Variants in LMNTD1 observed in about 807,000 individuals in gnomAD.
LMNTD1 encodes lamin tail domain containing 1, also known as lamin tail domain-containing protein 1.
In LMNTD1, 35 loss-of-function variants were observed where a neutral mutation model predicts 50.9. That is an observed-to-expected ratio of 0.69 (90% CI 0.53 to 0.91). The LOEUF (loss-of-function observed/expected upper bound fraction) is 0.91, where lower values mean the gene tolerates loss of function less well. Ranked by LOEUF, LMNTD1 falls within the 40% of genes least tolerant of loss-of-function variation. The pLI, the probability that LMNTD1 is intolerant of heterozygous loss-of-function variation, is 0.00. For missense variants in LMNTD1, 470 were observed against 475.5 expected, an observed-to-expected ratio of 0.99 and a Z score of 0.11; for synonymous variants, 153 against 161.9, an observed-to-expected ratio of 0.94 and a Z score of 0.42.
intron 6 of LMNTD1, among the ~76,000 whole-genome samples, chr12:25,522,638 G>A (rs7312490): frequency 0.02 from 3,069 of 152,194 alleles, 79 homozygotes; most frequent in African/African-American, 0.058. Context: ...GCCCTTCAAT[G>A]AGTTCCTATT....
chr12:25,604,941 T>C (rs1946062077), intron 1 of LMNTD1, among the ~76,000 whole-genome samples: 2 of 152,220 alleles, frequency 1.3e-5, no homozygotes, highest in African/African-American at 4.8e-5. Flanking sequence ...CCACAATGGT[T>C]GAACTAGTTT....
chr12:25,486,537 C>G (rs888084484), intron 9 of LMNTD1, among the ~76,000 whole-genome samples: 2 of 138,404 alleles, frequency 1.4e-5, no homozygotes, highest in Non-Finnish European at 3.1e-5. Flanking sequence ...ACTTCCAATA[C>G]CATGTTGAAT....
chr12:25,502,219 T>A (rs11835743), intron 9 of LMNTD1, among the ~76,000 whole-genome samples: 28,011 of 151,974 alleles, frequency 0.18, 2,755 homozygotes, highest in Middle Eastern at 0.24. Context: ...AAGCAAAACA[T>A]AAAAAATTCC....
chr12:25,561,848 A>G (rs555605901), intron 1 of LMNTD1, among the ~76,000 whole-genome samples: 1 of 151,610 alleles, frequency 6.6e-6, no homozygotes, highest in South Asian at 2.1e-4. Context: ...ATATATATTT[A>G]GGTTAGCTCT....
chr12:25,610,778 A>G (rs1039747562), intron 1 of LMNTD1, among the ~76,000 whole-genome samples: 1 of 152,192 alleles, frequency 6.6e-6, no homozygotes, highest in Non-Finnish European at 1.5e-5. Context: ...CAAGGTTATT[A>G]GTTTGGACTG....
At chr12:25,600,441 G>A (rs1945940280) in intron 1 of LMNTD1, among the ~76,000 whole-genome samples, 1 of 151,802 alleles carries the variant, frequency 6.6e-6, no homozygotes, top group African/African-American at 2.4e-5. Flanking sequence ...AGCAGAAATG[G>A]ACAAAGAGGA....
At chr12:25,505,796 T>C (rs1350173400) in intron 8 of LMNTD1, among the ~76,000 whole-genome samples, 9 of 152,174 alleles carry the variant, frequency 5.9e-5, no homozygotes, top group African/African-American at 1.9e-4. Flanking sequence ...GTTTTTTTCA[T>C]TTAACATTTT....
chr12:25,512,240 A>C (rs1408269023), intron 8 of LMNTD1, among the ~76,000 whole-genome samples: 2 of 152,216 alleles, frequency 1.3e-5, no homozygotes, highest in East Asian at 3.8e-4. Context: ...TTGAGCTTCA[A>C]CAGTTGACAG....
intron 1 of LMNTD1, among the ~76,000 whole-genome samples, chr12:25,643,336 G>C (rs915451564): frequency 2.0e-5 from 3 of 152,122 alleles, no homozygotes; most frequent in African/African-American, 4.8e-5. Flanking sequence ...ATCCAGCAAG[G>C]CCAGAGACCC....
intron 1 of LMNTD1, among the ~76,000 whole-genome samples, chr12:25,632,891 A>G (rs1180486958): frequency 6.6e-6 from 1 of 152,174 alleles, no homozygotes; most frequent in African/African-American, 2.4e-5. Context: ...ATGGATAAGA[A>G]CTCACCAACC....
intron 1 of LMNTD1, among the ~76,000 whole-genome samples, chr12:25,626,341 T>TACAC (rs1555124910): frequency 1.7e-4 from 26 of 150,314 alleles, no homozygotes; most frequent in Admixed American, 1.1e-3. Context: ...TATATATATA[T>TACAC]ACACACACAC....
chr12:25,621,989 G>A (rs983845513), intron 1 of LMNTD1, among the ~76,000 whole-genome samples: 1 of 152,236 alleles, frequency 6.6e-6, no homozygotes, highest in African/African-American at 2.4e-5. Flanking sequence ...CCAGAGGCAA[G>A]TGGGTTGGAT....
intron 1 of LMNTD1, among the ~76,000 whole-genome samples, chr12:25,620,775 C>G (rs1490986762): frequency 6.6e-6 from 1 of 152,228 alleles, no homozygotes; most frequent in Non-Finnish European, 1.5e-5. Flanking sequence ...TCCGTAGCTA[C>G]TACTGTTTAG....
chr12:25,497,331 T>C (rs1425475874), intron 9 of LMNTD1, among the ~76,000 whole-genome samples: 1 of 152,094 alleles, frequency 6.6e-6, no homozygotes. Flanking sequence ...GGAAGCACTG[T>C]AGCAGGGGAC....
chr12:25,560,224 G>A (rs1056842784), intron 1 of LMNTD1, among the ~76,000 whole-genome samples: 7 of 152,190 alleles, frequency 4.6e-5, no homozygotes, highest in Non-Finnish European at 8.8e-5. Context: ...TTTGTATAAG[G>A]TGTAAGGAAG....
At chr12:25,524,697 T>C (rs1229866541) in intron 6 of LMNTD1, among the ~76,000 whole-genome samples, 1 of 152,172 alleles carries the variant, frequency 6.6e-6, no homozygotes, top group Non-Finnish European at 1.5e-5. Context: ...GCTAATGATT[T>C]CTTATGAGGC....
intron 1 of LMNTD1, among the ~76,000 whole-genome samples, chr12:25,573,162 CTGTT>C (rs755355938): frequency 9.9e-5 from 15 of 152,272 alleles, no homozygotes; most frequent in East Asian, 1.9e-4. Flanking sequence ...GGCCTTTTCT[CTGTT>C]TGTTTTCCTT....
At chr12:25,572,800 ATCCC>A (rs895492770) in intron 1 of LMNTD1, among the ~76,000 whole-genome samples, 6 of 149,992 alleles carry the variant, frequency 4.0e-5, no homozygotes, top group South Asian at 2.1e-4. Context: ...CCATCCCTCC[ATCCC>A]TCCCTCCCTC....
At chr12:25,634,951 A>T in intron 1 of LMNTD1, among the ~76,000 whole-genome samples, 1 of 152,290 alleles carries the variant, frequency 6.6e-6, no homozygotes, top group East Asian at 1.9e-4. Context: ...TATAAAAAAA[A>T]TTCAGCAGGC....
Sources: allele counts gnomAD v4.1 joint callset (sites outside exome capture counted in the v4.1 genomes callset), GRCh38; gene constraint gnomAD v4.1.1; transcripts MANE v1.5; gene names NCBI Gene and HGNC (gene_info 2026-07-23, HGNC 2026-07-21).